ZNF324B: variants seen among roughly 807,000 people sequenced by gnomAD.
ZNF324B encodes the protein zinc finger protein 324B.
In ZNF324B, 7 loss-of-function variants were observed where a neutral mutation model predicts 10.6. The observed-to-expected ratio is 0.66, with a 90% CI of 0.38 to 1.24. The LOEUF is 1.24. ZNF324B is among the 50% of genes most tolerant of loss of function. The pLI, the probability that ZNF324B is intolerant of heterozygous loss-of-function variation, is 0.02. For missense variants in ZNF324B, 640 were observed against 764.7 expected (o/e 0.84, Z 1.92); for synonymous variants, 316 against 321.0 (o/e 0.98, Z 0.17).
Position 58,456,948 on chromosome 19 carries a change from G to A in ZNF324B, c.*369G>A, listed in dbSNP as rs905730854. ...GCTGAGGTGAGGGGGATGCGGACAT[G>A]GGGTAGGATGACCTAGAGAAACTTA... On this transcript the variant is annotated 3_prime_UTR_variant, in exon 4 of 4. Transcript: ENST00000336614. The surrounding 1 kb of genome is among the most constrained non-coding windows in gnomAD (Gnocchi z 4.7). 6.7e-6 allele frequency: 2 copies of A among 298,156 alleles called. No individual in the cohort carries two copies. The highest frequency in any genetic ancestry group is 1.3e-5 in the Non-Finnish European group (2 of 157,814). 18.5% of individuals were successfully genotyped at this position (298,156 alleles called of 1,614,324 possible). A position where few individuals can be genotyped will look rare whatever the true frequency, so the allele number is the denominator to read the frequency against.
chr19:58,445,463 A>G, the ZNF324B span: 1 of 518,846 alleles, frequency 1.9e-6, no homozygotes, highest in Non-Finnish European at 3.8e-6. Flanking sequence ...CACCCTGGAG[A>G]AAAGCCTTTT....
chr19:58,434,006 C>A, the ZNF324B span: 1 of 1,614,176 alleles, frequency 6.2e-7, no homozygotes, highest in Non-Finnish European at 8.5e-7. Context: ...CCAGTGTGAA[C>A]TTTCTGATGT....
At chr19:58,420,333 T>G in the ZNF324B span, among the ~76,000 whole-genome samples, 1 of 151,684 alleles carries the variant, frequency 6.6e-6, no homozygotes, top group Non-Finnish European at 1.5e-5. Flanking sequence ...GCAGGAGAAT[T>G]GCTTGAACTG....
chr19:58,425,781 C>A, the ZNF324B span, among the ~76,000 whole-genome samples: 1 of 152,094 alleles, frequency 6.6e-6, no homozygotes, highest in South Asian at 2.1e-4. Flanking sequence ...TGAGATATTT[C>A]TTTATAGTAA....
the ZNF324B span, chr19:58,433,966 C>A: frequency 6.2e-7 from 1 of 1,614,190 alleles, no homozygotes; most frequent in South Asian, 1.1e-5. Context: ...GAAGGCTTTA[C>A]CACAATCACA....
At chr19:58,439,658 C>T in the ZNF324B span, 18 of 1,299,314 alleles carry the variant, frequency 1.4e-5, no homozygotes, top group East Asian at 1.7e-4. Flanking sequence ...GGACAGGACA[C>T]GATCAAGAGT....
At chr19:58,434,657 G>A in the ZNF324B span, 3 of 1,614,194 alleles carry the variant, frequency 1.9e-6, no homozygotes, top group African/African-American at 2.7e-5. Flanking sequence ...CATGTAAATG[G>A]TATCTCTTCA....
intron 1 of ZNF324B, chr19:58,453,385 T>G: frequency 2.2e-6 from 1 of 457,354 alleles, no homozygotes; most frequent in Non-Finnish European, 4.0e-6. Context: ...TCATGAATGG[T>G]CATGCTGAGT....
chr19:58,439,662 C>G, the ZNF324B span: 1 of 1,326,202 alleles, frequency 7.5e-7, no homozygotes, highest in Admixed American at 3.1e-5. Context: ...AGGACACGAT[C>G]AAGAGTCCCA....
chr19:58,434,251 G>T, the ZNF324B span: 6 of 1,614,056 alleles, frequency 3.7e-6, no homozygotes, highest in South Asian at 1.1e-5. Flanking sequence ...TCTTACCTGT[G>T]TGTGAACTTT....
chr19:58,442,158 G>GTTTTTTTTTTTTTTT, the ZNF324B span: 1 of 82,980 alleles, frequency 1.2e-5, no homozygotes, highest in African/African-American at 6.8e-5. Flanking sequence ...GAGTGTTACA[G>GTTTTTTTTTTTTTTT]TTCTTTTTTT....
chr19:58,437,711 A>G, the ZNF324B span: 46 of 985,296 alleles, frequency 4.7e-5, no homozygotes, highest in African/African-American at 7.7e-4. Context: ...GCATCTCACC[A>G]TGCACATGGC....
In ZNF324B at chr19:58,455,535, A is replaced by G. The variant is rs2052908209; in HGVS notation, c.591A>G (p.Pro197=). 9.3e-6 allele frequency: 15 copies of G among 1,613,946 alleles called. No individual in the cohort carries two copies. Among genetic ancestry groups the G allele is most frequent in the African/African-American group, 5.3e-5 (4 of 75,040 alleles). The part of the protein sequence containing the change: ...RQPRTPERQK[P]CAQEVPGRAF... ...CCAGGACGCCTGAGCGGCAGAAGCC[A>G]TGTGCACAGGAGGTCCCTGGGAGAG... The change falls in exon 4 of 4, where the codon CCA becomes CCG. Residue 197 remains proline (P), a synonymous_variant. Coordinates refer to ENST00000336614, the MANE Select transcript of ZNF324B (RefSeq NM_207395.3). The surrounding 1 kb of genome is among the most constrained non-coding windows in gnomAD (Gnocchi z 7.0).
At chr19:58,434,976 G>A in the ZNF324B span, 2 of 1,614,184 alleles carry the variant, frequency 1.2e-6, no homozygotes, top group Admixed American at 1.7e-5. Context: ...GCTGGTGAAG[G>A]TTTGCATTCA....
chr19:58,456,462 G>A lies in ZNF324B; in HGVS notation c.1518G>A (p.Glu506=), dbSNP rs767898616. Residue 506 remains glutamate (E), a synonymous_variant, in exon 4 of 4, where the codon GAG becomes GAA. Coordinates refer to ENST00000336614, the MANE Select transcript of ZNF324B (RefSeq NM_207395.3). The surrounding 1 kb of genome is among the most constrained non-coding windows in gnomAD (Gnocchi z 4.7). The part of the protein sequence containing the change: ...LLHHQRIHTT[E]KTNAAAPDCT... The stretch of plus-strand genomic sequence containing the variant: ...ACCACCAGAGGATCCACACCACAGA[G>A]AAGACCAATGCCGCAGCACCAGACT... 4.3e-6 allele frequency: 7 copies of A among 1,614,058 alleles called. No individual in the cohort carries two copies. Among genetic ancestry groups the A allele is most frequent in the Middle Eastern group, 3.3e-4 (2 of 6,062 alleles).
upstream of ZNF324B, chr19:58,451,593 C>A (rs1212840445): frequency 1.9e-6 from 1 of 516,610 alleles, no homozygotes; most frequent in Non-Finnish European, 3.9e-6. Flanking sequence ...AATGTGAGCT[C>A]TGGGGGCTGG....
the ZNF324B span, chr19:58,434,133 T>C: frequency 3.2e-5 from 52 of 1,612,288 alleles, no homozygotes; most frequent in Non-Finnish European, 4.2e-5. Flanking sequence ...TAAAAGCTCT[T>C]CCACATTCAC....
At chr19:58,426,558 C>G in the ZNF324B span, among the ~76,000 whole-genome samples, 3 of 152,200 alleles carry the variant, frequency 2.0e-5, no homozygotes, top group Non-Finnish European at 4.4e-5. Flanking sequence ...TTTTGGCACC[C>G]TTGGCCTTAA....
chr19:58,420,983 C>T, the ZNF324B span, among the ~76,000 whole-genome samples: 5 of 150,742 alleles, frequency 3.3e-5, no homozygotes, highest in Non-Finnish European at 5.9e-5. Flanking sequence ...GGATTACCGG[C>T]GTGAGCCACC....
Sources: allele counts gnomAD v4.1 joint callset (sites outside exome capture counted in the v4.1 genomes callset), GRCh38; gene constraint gnomAD v4.1.1; non-coding constraint Gnocchi (gnomAD v3.1); transcripts MANE v1.5; gene names NCBI Gene and HGNC (gene_info 2026-07-23, HGNC 2026-07-21).